MLLT3: variants seen among roughly 807,000 people sequenced by gnomAD.
The protein encoded by MLLT3 is MLLT3 super elongation complex subunit.
MLLT3 carries 4 observed loss-of-function variants against 53.2 expected under a neutral mutation model. That is an observed-to-expected ratio of 0.08 (90% confidence interval 0.04 to 0.17). The LOEUF (loss-of-function observed/expected upper bound fraction) is 0.17, where lower values mean the gene tolerates loss of function less well. Ranked by LOEUF, MLLT3 falls within the 10% of genes least tolerant of loss-of-function variation. The pLI, the probability that MLLT3 is intolerant of heterozygous loss-of-function variation, is 1.00. For missense variants in MLLT3, 569 were observed against 684.0 expected (o/e 0.83, Z 1.87); for synonymous variants, 283 against 230.6 (o/e 1.23, Z -2.06).
chr9:20,476,825 T>C (rs1824533268), intron 2 of MLLT3, among the ~76,000 whole-genome samples: 1 of 152,168 alleles, frequency 6.6e-6, no homozygotes, highest in African/African-American at 2.4e-5. Context: ...TAAGAATGAT[T>C]ACAATCTAGA....
chr9:20,356,269 A>T (rs1821169452), intron 8 of MLLT3, among the ~76,000 whole-genome samples: 1 of 152,194 alleles, frequency 6.6e-6, no homozygotes, highest in African/African-American at 2.4e-5. Context: ...TAATATGAAG[A>T]TAACCAAATG....
chr9:20,415,141 C>T (rs1005784825), intron 4 of MLLT3, among the ~76,000 whole-genome samples: 1 of 152,092 alleles, frequency 6.6e-6, no homozygotes, highest in Non-Finnish European at 1.5e-5. Context: ...AAGTAATTCT[C>T]AATTTGAGAT....
intron 2 of MLLT3, among the ~76,000 whole-genome samples, chr9:20,564,673 G>T (rs1236226678): frequency 6.6e-6 from 1 of 152,156 alleles, no homozygotes; most frequent in Non-Finnish European, 1.5e-5. Context: ...GGGGAGTAAA[G>T]TTCTTAAATC....
In MLLT3 at chr9:20,349,945, G is replaced by A. The variant is rs528459493; in HGVS notation, c.1576-3371C>T. On this transcript the variant is annotated intron_variant, in intron 10 of 10. Coordinates refer to ENST00000380338, the MANE Select transcript of MLLT3 (RefSeq NM_004529.4). ...AGTAGTAGCAGTGGCAGCAGCTGGG[G>A]AGTTGGGAATTATTTGCCAAAGGGA... is the stretch of plus-strand genomic sequence containing the variant. 2.6e-5 allele frequency among the ~76,000 whole-genome samples: 4 copies of A among 152,332 alleles called. No individual in the cohort carries two copies. The South Asian group carries it at 6.2e-4, about 24-fold the overall frequency.
chr9:20,548,360 G>T lies in MLLT3; in HGVS notation c.193+72294C>A, dbSNP rs530120808. Among the ~76,000 whole-genome samples, 32 of 152,292 alleles carry T rather than the reference G, an allele frequency of 2.1e-4. 1 individual carries two copies. Among genetic ancestry groups the T allele is most frequent in the African/African-American group, 7.0e-4 (29 of 41,566 alleles). On this transcript the variant is annotated intron_variant, in intron 2 of 10. Transcript: ENST00000380338. ...CTCTCGTAGTATCTAACTGGTACAGGCTGAGATTAACCTCCTCCGCAAGGA... is the reference window on the plus strand; with the variant it reads ...CTCTCGTAGTATCTAACTGGTACAGTCTGAGATTAACCTCCTCCGCAAGGA...
At chr9:20,388,280 T>C (rs1822090541) in intron 5 of MLLT3, among the ~76,000 whole-genome samples, 1 of 152,198 alleles carries the variant, frequency 6.6e-6, no homozygotes, top group Non-Finnish European at 1.5e-5. Flanking sequence ...ATTTGTCCTT[T>C]TTTGTTTATA....
At chr9:20,575,563 G>A (rs1819632482) in intron 2 of MLLT3, among the ~76,000 whole-genome samples, 1 of 152,178 alleles carries the variant, frequency 6.6e-6, no homozygotes. Flanking sequence ...CTGCAGAATA[G>A]ATGCTGTGTC....
chr9:20,448,370 A>G lies in MLLT3; in HGVS notation c.277-104T>C. ...ATAAGAAATAGAAAAGAACTAAGAC[A>G]TCTAACAGCTAAACTGTCAAAGTAG... is the stretch of plus-strand genomic sequence containing the variant. On this transcript the variant is annotated intron_variant, in intron 3 of 10. Coordinates refer to ENST00000380338, the MANE Select transcript of MLLT3 (RefSeq NM_004529.4). This position sits in a 1 kb window ranked among gnomAD's most constrained non-coding sequence, Gnocchi z 4.0. 2.0e-6 allele frequency: 2 copies of G among 1,003,450 alleles called. No homozygotes were observed. Among genetic ancestry groups the G allele is most frequent in the Non-Finnish European group, 1.5e-6 (1 of 683,596 alleles). 62.2% of individuals were successfully genotyped at this position (1,003,450 alleles called of 1,614,324 possible). A position where few individuals can be genotyped will look rare whatever the true frequency, so the allele number is the denominator to read the frequency against.
chr9:20,563,242 A>C (rs1819261934), intron 2 of MLLT3, among the ~76,000 whole-genome samples: 1 of 152,116 alleles, frequency 6.6e-6, no homozygotes, highest in Non-Finnish European at 1.5e-5. Context: ...CATGTCGTGG[A>C]GGAACAACAT....
At chr9:20,361,243 T>C (rs1296473530) in intron 7 of MLLT3, among the ~76,000 whole-genome samples, 2 of 152,230 alleles carry the variant, frequency 1.3e-5, no homozygotes, top group South Asian at 2.1e-4. Context: ...TGATCAAGCA[T>C]GCTACTCAAG....
chr9:20,454,246 T>TGTGTGTGTGCACACGCATGC, intron 3 of MLLT3, among the ~76,000 whole-genome samples: 1 of 152,234 alleles, frequency 6.6e-6, no homozygotes, highest in East Asian at 1.9e-4. Flanking sequence ...TGTGTGTGTG[T>TGTGTGTGTGCACACGCATGC]GTGTGTGTGC....
At chr9:20,449,593 T>A (rs145504701) in intron 3 of MLLT3, among the ~76,000 whole-genome samples, 60 of 152,284 alleles carry the variant, frequency 3.9e-4, no homozygotes, top group African/African-American at 1.3e-3. Flanking sequence ...AACAAAATAA[T>A]TTGAATCCAT....
chr9:20,435,242 G>A (rs1823373174), intron 4 of MLLT3, among the ~76,000 whole-genome samples: 1 of 152,060 alleles, frequency 6.6e-6, no homozygotes, highest in Non-Finnish European at 1.5e-5. Flanking sequence ...CAGGGTCTCA[G>A]TATGTTACCC....
chr9:20,408,436 T>C (rs1822641738), intron 5 of MLLT3, among the ~76,000 whole-genome samples: 1 of 152,080 alleles, frequency 6.6e-6, no homozygotes. Flanking sequence ...AACATCTCCA[T>C]GCACCCAACA....
At chr9:20,548,545 T>C (rs557997210) in intron 2 of MLLT3, among the ~76,000 whole-genome samples, 2 of 152,216 alleles carry the variant, frequency 1.3e-5, no homozygotes, top group South Asian at 4.1e-4. Flanking sequence ...AATTAATTAT[T>C]GGAAACACCA....
chr9:20,476,275 G>A (rs1292821024), intron 2 of MLLT3, among the ~76,000 whole-genome samples: 1 of 152,096 alleles, frequency 6.6e-6, no homozygotes, highest in Non-Finnish European at 1.5e-5. Flanking sequence ...CTTCCTACAA[G>A]ACTCAAAGCA....
In MLLT3 at chr9:20,548,694, A is replaced by T. The variant is rs372973838; in HGVS notation, c.193+71960T>A. Among the ~76,000 whole-genome samples the T allele has an allele frequency of 2.0e-4, 31 of 152,334 alleles. No individual in the cohort carries two copies. In the East Asian group the frequency reaches 2.7e-3, roughly 13 times the overall value. On this transcript the variant is annotated intron_variant, in intron 2 of 10. Coordinates refer to ENST00000380338, the MANE Select transcript of MLLT3 (RefSeq NM_004529.4). Reference sequence around the variant, plus strand: ...TCTGCGGGCTCTGGGCAGCAGGCTGATAAAAAGGCAGCAAGGAGCTGCAAA... The same window carrying T: ...TCTGCGGGCTCTGGGCAGCAGGCTGTTAAAAAGGCAGCAAGGAGCTGCAAA...
chr9:20,590,027 C>G (rs957552904), intron 2 of MLLT3, among the ~76,000 whole-genome samples: 1 of 152,116 alleles, frequency 6.6e-6, no homozygotes, highest in African/African-American at 2.4e-5. Context: ...CTCTGTGGAG[C>G]TGAGTTACCC....
chr9:20,346,705 T>C (rs1820879625), intron 10 of MLLT3, 131 bp from the exon 11 acceptor site: 3 of 811,660 alleles, frequency 3.7e-6, no homozygotes, highest in South Asian at 1.8e-5. Flanking sequence ...CAAGGTCCCA[T>C]ACCATGAATA....
Sources: gnomAD v4.1 joint callset for allele counts (sites outside exome capture counted in the v4.1 genomes callset) on GRCh38, gnomAD v4.1.1 for gene constraint, Gnocchi (gnomAD v3.1) non-coding constraint, MANE v1.5 for transcripts, NCBI Gene and HGNC (gene_info 2026-07-23, HGNC 2026-07-21) for gene names.